CPVL: variants seen among roughly 807,000 people sequenced by gnomAD.
CPVL encodes the protein probable serine carboxypeptidase CPVL.
Under a neutral mutation model 63.7 loss-of-function variants are expected in CPVL, and 51 were observed. The observed-to-expected ratio is 0.80, with a 90% CI of 0.64 to 1.01. The LOEUF (loss-of-function observed/expected upper bound fraction) is 1.01, where lower values mean the gene tolerates loss of function less well. Ranked by LOEUF, CPVL falls within the 50% of genes least tolerant of loss-of-function variation. The pLI is 0.00. For synonymous variants in CPVL, 195 were observed against 206.0 expected (o/e 0.95, Z 0.46); for missense variants, 530 against 573.1 (o/e 0.92, Z 0.77).
At position 29,130,719 on chromosome 7, in the gene CPVL, A is replaced by G. The variant is rs1790599892; in HGVS notation, c.-10-9648T>C. 1.3e-5 allele frequency among the ~76,000 whole-genome samples: 2 copies of G among 152,200 alleles called. 1 individual carries two copies. Among genetic ancestry groups the G allele is most frequent in the South Asian group, 4.1e-4 (2 of 4,832 alleles). On this transcript the variant is annotated intron_variant, in intron 1 of 12. Coordinates refer to ENST00000265394, the MANE Select transcript of CPVL (RefSeq NM_031311.5). Reference sequence around the variant, plus strand: ...GTCAAAGTCCACGTATTTTCCATATACCACTATATAAACGACAGAATATAA... The same window carrying G: ...GTCAAAGTCCACGTATTTTCCATATGCCACTATATAAACGACAGAATATAA...
intron 1 of CPVL, among the ~76,000 whole-genome samples, chr7:29,137,324 G>C (rs1274242772): frequency 6.6e-6 from 1 of 152,190 alleles, no homozygotes; most frequent in Non-Finnish European, 1.5e-5. Context: ...TTTATAGACA[G>C]GCTTGAGGAG....
intron 5 of CPVL, among the ~76,000 whole-genome samples, chr7:29,172,866 G>A (rs1472038063): frequency 6.6e-6 from 1 of 152,018 alleles, no homozygotes; most frequent in Admixed American, 6.6e-5. Flanking sequence ...ATAAGGCCGA[G>A]TGTGGTAGCT....
At position 29,030,752 on chromosome 7, in the gene CPVL, A is replaced by C; in HGVS notation, c.1145T>G (p.Ile382Ser). The stretch of plus-strand genomic sequence containing the variant: ...GATGATGTCCAGTTGGCCATTGTAG[A>C]TCAGAACCTGAAATGAAATCAAGCC... ...TEIMNNYKVL[I>S]YNGQLDIIVA... Residue 382 changes from isoleucine to serine, a missense_variant, in exon 12 of 13, where the codon ATC becomes AGC. Transcript: ENST00000265394. 6.2e-7 allele frequency: 1 copy of C among 1,602,876 alleles called. No individual in the cohort carries two copies. The highest frequency in any genetic ancestry group is 8.5e-7 in the Non-Finnish European group (1 of 1,176,118).
At chr7:29,012,989 A>G (rs1252070744) in intron 12 of CPVL, 1 of 152,216 alleles carries the variant, frequency 6.6e-6, no homozygotes, top group Non-Finnish European at 1.5e-5. Flanking sequence ...ATGGCTCCAG[A>G]TTCTTTGCCA....
At chr7:29,015,863 AG>A (rs1786354769) in intron 12 of CPVL, among the ~76,000 whole-genome samples, 1 of 152,198 alleles carries the variant, frequency 6.6e-6, no homozygotes, top group South Asian at 2.1e-4. Context: ...TTTCAGGTGA[AG>A]CTTCTGTTTC....
Position 29,164,713 on chromosome 7 carries a change from G to A in CPVL, c.-11+16577C>T, listed in dbSNP as rs765822364. Among the ~76,000 whole-genome samples the A allele has an allele frequency of 3.8e-4, 56 of 146,072 alleles. 1 individual carries two copies. The highest frequency in any genetic ancestry group is 7.6e-5 in the Non-Finnish European group (5 of 66,046). ...GGAGAATCACTTGAACCTGGGAGGC[G>A]GAGGTTGCAGTGAGCCGAGATCTCA... is the stretch of plus-strand genomic sequence containing the variant. On this transcript the variant is annotated intron_variant, in intron 5 of 16. Transcript: ENST00000409850.
intron 5 of CPVL, among the ~76,000 whole-genome samples, chr7:29,179,536 T>C (rs572445478): frequency 2.0e-5 from 3 of 152,328 alleles, no homozygotes; most frequent in East Asian, 3.9e-4. Flanking sequence ...ATTCTGATAC[T>C]TGTCCTAAGT....
chr7:29,050,470 T>A (rs1790034342), intron 11 of CPVL, among the ~76,000 whole-genome samples: 1 of 151,944 alleles, frequency 6.6e-6, no homozygotes, highest in Non-Finnish European at 1.5e-5. Context: ...CTGGAGAAAT[T>A]GGAACTCATC....
At chr7:29,157,239 G>T (rs1174339186) in intron 5 of CPVL, among the ~76,000 whole-genome samples, 2 of 152,122 alleles carry the variant, frequency 1.3e-5, no homozygotes, top group African/African-American at 4.8e-5. Flanking sequence ...AGGAAAAAAA[G>T]AATGAGATGC....
chr7:29,115,897 G>A (rs115976424), intron 2 of CPVL, among the ~76,000 whole-genome samples: 125 of 152,292 alleles, frequency 8.2e-4, no homozygotes, highest in African/African-American at 2.9e-3. Context: ...GCTCTCAAAT[G>A]ATTCAGATGT....
At chr7:29,127,462 C>G (rs1790155546) in intron 1 of CPVL, 6 of 152,162 alleles carry the variant, frequency 3.9e-5, no homozygotes, top group Admixed American at 3.9e-4. Flanking sequence ...AGACGAGATA[C>G]CGATCCTCAG....
At chr7:29,041,588 C>T (rs1424569064) in intron 11 of CPVL, among the ~76,000 whole-genome samples, 1 of 151,904 alleles carries the variant, frequency 6.6e-6, no homozygotes, top group African/African-American at 2.4e-5. Flanking sequence ...TCTTTCTCCA[C>T]ATCATTAAAT....
chr7:29,134,589 A>C (rs1342873224), intron 1 of CPVL, among the ~76,000 whole-genome samples: 2 of 152,224 alleles, frequency 1.3e-5, no homozygotes, highest in African/African-American at 4.8e-5. Context: ...CAACAGAATA[A>C]AATACAAGAA....
chr7:29,038,360 A>G (rs1788747895), intron 11 of CPVL, among the ~76,000 whole-genome samples: 1 of 152,192 alleles, frequency 6.6e-6, no homozygotes, highest in South Asian at 2.1e-4. Context: ...AGGATACAAA[A>G]AGAGGTCAGT....
chr7:29,132,378 C>T (rs1790786626), intron 1 of CPVL, among the ~76,000 whole-genome samples: 1 of 152,172 alleles, frequency 6.6e-6, no homozygotes, highest in Non-Finnish European at 1.5e-5. Context: ...ATATCTCTAT[C>T]AGTGTCCAGG....
intron 1 of CPVL, among the ~76,000 whole-genome samples, chr7:29,187,620 C>T (rs1351247110): frequency 2.6e-5 from 4 of 151,928 alleles, no homozygotes; most frequent in Non-Finnish European, 4.4e-5. Context: ...CCCAGCTACT[C>T]GGGAGGCTGA....
At chr7:29,049,675 A>G (rs1789958843) in intron 11 of CPVL, among the ~76,000 whole-genome samples, 1 of 152,160 alleles carries the variant, frequency 6.6e-6, no homozygotes, top group Non-Finnish European at 1.5e-5. Context: ...GGAAACCAGC[A>G]TCACCCTAAT....
At chr7:29,003,583 A>G (rs924973857) in intron 12 of CPVL, among the ~76,000 whole-genome samples, 6 of 152,236 alleles carry the variant, frequency 3.9e-5, no homozygotes, top group African/African-American at 1.2e-4. Context: ...AGGAGTATCA[A>G]TAATTAATAA....
At chr7:29,140,007 G>T (rs1206281337) in intron 1 of CPVL, among the ~76,000 whole-genome samples, 1 of 152,118 alleles carries the variant, frequency 6.6e-6, no homozygotes, top group African/African-American at 2.4e-5. Flanking sequence ...GACTCAGAAT[G>T]GCTTCATCTT....
Sources: gnomAD v4.1 joint callset for allele counts (sites outside exome capture counted in the v4.1 genomes callset) on GRCh38, gnomAD v4.1.1 for gene constraint, MANE v1.5 for transcripts, NCBI Gene and HGNC (gene_info 2026-07-23, HGNC 2026-07-21) for gene names.